The following CDH23 variants were observed in gnomAD, a reference collection of about 807,000 sequenced individuals.
CDH23 encodes cadherin-23.
Under a neutral mutation model 317.1 loss-of-function variants are expected in CDH23, and 189 were observed. That is an observed-to-expected ratio of 0.60 (90% CI 0.53 to 0.67). The LOEUF (loss-of-function observed/expected upper bound fraction) is 0.67. Ranked by LOEUF, CDH23 falls within the 30% of genes least tolerant of loss-of-function variation. CDH23 has a pLI of 0.00. For synonymous variants in CDH23, 1,839 were observed against 1,876.8 expected, an observed-to-expected ratio of 0.98 and a Z score of 0.52; for missense variants, 4,401 against 4,592.4, an observed-to-expected ratio of 0.96 and a Z score of 1.20.
chr10:71,491,390 G>A (rs1272683487), intron 3 of CDH23, among the ~76,000 whole-genome samples: 2 of 152,174 alleles, frequency 1.3e-5, no homozygotes, highest in Non-Finnish European at 2.9e-5. Context: ...GAGACATGCA[G>A]GCAAGCAAAC....
At chr10:71,520,317 CA>C (rs1854597881) in intron 6 of CDH23, among the ~76,000 whole-genome samples, 1 of 152,196 alleles carries the variant, frequency 6.6e-6, no homozygotes, top group Non-Finnish European at 1.5e-5. Context: ...ATGAAAGAGT[CA>C]TCAAGAAACA....
chr10:71,713,959 G>A (rs1866100719), intron 28 of CDH23: 2 of 152,486 alleles, frequency 1.3e-5, no homozygotes, highest in Admixed American at 6.5e-5. Context: ...TTAGGGAGGA[G>A]GCCTGCCCCA....
intron 2 of CDH23, among the ~76,000 whole-genome samples, chr10:71,445,177 G>C (rs1213635556): frequency 6.6e-6 from 1 of 152,244 alleles, no homozygotes; most frequent in Non-Finnish European, 1.5e-5. Flanking sequence ...CTTGCCAGCT[G>C]TGAAAGCAAG....
chr10:71,509,276 T>C (rs999629283), intron 3 of CDH23, among the ~76,000 whole-genome samples: 1 of 152,194 alleles, frequency 6.6e-6, no homozygotes, highest in African/African-American at 2.4e-5. Flanking sequence ...TTGCAAAGTA[T>C]TCTGAATTAG....
chr10:71,546,172 C>T (rs531925911), intron 6 of CDH23, among the ~76,000 whole-genome samples: 1 of 152,154 alleles, frequency 6.6e-6, no homozygotes, highest in East Asian at 1.9e-4. Flanking sequence ...AAAGCCCCTC[C>T]GCCTCTCCAG....
intron 1 of CDH23, among the ~76,000 whole-genome samples, chr10:71,400,991 C>T (rs946603328): frequency 6.6e-6 from 1 of 152,070 alleles, no homozygotes; most frequent in Non-Finnish European, 1.5e-5. Flanking sequence ...TTATTTTGAG[C>T]CTTGCTTTGG....
intron 38 of CDH23, among the ~76,000 whole-genome samples, chr10:71,772,176 C>T (rs1840700539): frequency 6.6e-6 from 1 of 152,212 alleles, no homozygotes; most frequent in African/African-American, 2.4e-5. Context: ...TGGAGCCCTC[C>T]TCCTCCTCAG....
intron 3 of CDH23, among the ~76,000 whole-genome samples, chr10:71,495,670 TAA>T (rs546623585): frequency 0.017 from 2,527 of 147,404 alleles, 58 homozygotes; most frequent in African/African-American, 0.054. Flanking sequence ...TCATCTCTAT[TAA>T]AAAAAAAAAT....
intron 14 of CDH23, among the ~76,000 whole-genome samples, chr10:71,673,901 G>A (rs1016566169): frequency 1.3e-5 from 2 of 152,232 alleles, no homozygotes; most frequent in African/African-American, 4.8e-5. Flanking sequence ...GGAGGGTGGT[G>A]ACATGGCTCA....
intron 11 of CDH23, among the ~76,000 whole-genome samples, chr10:71,622,099 G>A (rs954004323): frequency 6.6e-6 from 1 of 152,158 alleles, no homozygotes; most frequent in Non-Finnish European, 1.5e-5. Flanking sequence ...ATTAAAGGTT[G>A]TGGCAGCCTC....
Position 71,523,575 on chromosome 10 carries a change from C to T in CDH23, c.429+12363C>T, listed in dbSNP as rs368342461. ...TCCACGGAGCCACACTCGGGAGGCA[C>T]GGGTCGGAGCCAGCAGCCGGGGGGA... On this transcript the variant is annotated intron_variant, in intron 6 of 69. Transcript: ENST00000224721. Among the ~76,000 whole-genome samples, 19 of 152,236 alleles carry T rather than the reference C, an allele frequency of 1.2e-4. No homozygotes were observed. In the South Asian group the frequency reaches 2.3e-3, roughly 18 times the overall value.
At chr10:71,438,241 G>A (rs1849706602) in intron 1 of CDH23, among the ~76,000 whole-genome samples, 1 of 151,406 alleles carries the variant, frequency 6.6e-6, no homozygotes, top group Non-Finnish European at 1.5e-5. Context: ...TACTCGGGGG[G>A]GCTGAGGCAG....
At chr10:71,432,057 G>A (rs76082152) in intron 1 of CDH23, among the ~76,000 whole-genome samples, 3,960 of 152,316 alleles carry the variant, frequency 0.026, 152 homozygotes, top group African/African-American at 0.083. Flanking sequence ...TACAGGTCAT[G>A]GGGAGCTTTG....
Position 71,793,646 on chromosome 10 carries a change from AG to A in CDH23, c.6712+9del. ...TGCTGTGAATATCAACACAGGTACAAGGGCCTGCACCCCTCCCACCTCCCTC... is the reference window on the plus strand; with the variant it reads ...TGCTGTGAATATCAACACAGGTACAAGGCCTGCACCCCTCCCACCTCCCTC... On this transcript the variant is annotated splice_region_variant and intron_variant, in intron 48 of 69. Coordinates refer to ENST00000224721, the MANE Select transcript of CDH23 (RefSeq NM_022124.6). 1 of 1,565,802 alleles carries A rather than the reference AG, an allele frequency of 6.4e-7. No homozygotes were observed. Among genetic ancestry groups the A allele is most frequent in the South Asian group, 1.2e-5 (1 of 82,390 alleles).
intron 3 of CDH23, among the ~76,000 whole-genome samples, chr10:71,454,473 G>C (rs1162751739): frequency 1.3e-5 from 2 of 152,208 alleles, no homozygotes; most frequent in Non-Finnish European, 2.9e-5. Flanking sequence ...GCTGCTGGAG[G>C]CTCTTGGAAT....
At chr10:71,762,114 T>G in intron 38 of CDH23, 1 of 1,414,816 alleles carries the variant, frequency 7.1e-7, no homozygotes, top group South Asian at 1.4e-5. Context: ...TAGCCTCTGC[T>G]ACTTCCCAGC....
chr10:71,511,577 G>T (rs1853991738), intron 6 of CDH23, among the ~76,000 whole-genome samples: 2 of 152,180 alleles, frequency 1.3e-5, no homozygotes. Context: ...CCTAACCCCA[G>T]ATCTTCCTGC....
At chr10:71,718,067 A>AACCTTGGGGTCTTTCCTTTT (rs1866366836) in intron 28 of CDH23, among the ~76,000 whole-genome samples, 1 of 152,158 alleles carries the variant, frequency 6.6e-6, no homozygotes, top group Admixed American at 6.5e-5. Flanking sequence ...ATTTCCCTTT[A>AACCTTGGGGTCTTTCCTTTT]ACCTTGGGGT....
intron 3 of CDH23, among the ~76,000 whole-genome samples, chr10:71,458,618 T>C (rs1310620832): frequency 6.6e-6 from 1 of 152,242 alleles, no homozygotes; most frequent in Non-Finnish European, 1.5e-5. Context: ...TTTGCATCTT[T>C]AGCAAGTGTG....
Sources: allele counts gnomAD v4.1 joint callset (sites outside exome capture counted in the v4.1 genomes callset), GRCh38; gene constraint gnomAD v4.1.1; transcripts MANE v1.5; gene names NCBI Gene and HGNC (gene_info 2026-07-23, HGNC 2026-07-21).